CAMK1D: variants seen among roughly 807,000 people sequenced by gnomAD.
The protein encoded by CAMK1D is calcium/calmodulin dependent protein kinase ID, also known as calcium/calmodulin-dependent protein kinase type 1D.
CAMK1D carries 9 observed loss-of-function variants against 47.7 expected under a neutral mutation model. The ratio of observed to expected loss-of-function variants is 0.19; its 90% CI spans 0.11 to 0.33. The LOEUF (loss-of-function observed/expected upper bound fraction) is 0.33. CAMK1D is among the 10% of genes least tolerant of loss of function. CAMK1D has a pLI of 1.00. For synonymous variants in CAMK1D, 184 were observed against 184.9 expected (o/e 0.99, Z 0.04); for missense variants, 291 against 488.7 (o/e 0.60, Z 3.81).
At chr10:12,562,132 C>T (rs1836963940) in intron 2 of CAMK1D, among the ~76,000 whole-genome samples, 1 of 152,134 alleles carries the variant, frequency 6.6e-6, no homozygotes, top group Admixed American at 6.6e-5. Context: ...CTGGGAAGTC[C>T]AAGATCGGGT....
chr10:12,822,733 C>T (rs1302864070), intron 8 of CAMK1D, among the ~76,000 whole-genome samples: 1 of 152,210 alleles, frequency 6.6e-6, no homozygotes, highest in South Asian at 2.1e-4. Flanking sequence ...CAACAGGGTC[C>T]AGGAGGAATC....
chr10:12,593,643 C>G (rs1008125078), intron 2 of CAMK1D, among the ~76,000 whole-genome samples: 1 of 151,748 alleles, frequency 6.6e-6, no homozygotes, highest in African/African-American at 2.4e-5. Context: ...AACTTCATCC[C>G]TTTAACCAAA....
At chr10:12,382,034 A>C (rs1231363501) in intron 1 of CAMK1D, among the ~76,000 whole-genome samples, 1 of 152,206 alleles carries the variant, frequency 6.6e-6, no homozygotes, top group Admixed American at 6.5e-5. Flanking sequence ...GAGTGAAATG[A>C]CGTAACAAAA....
chr10:12,366,339 A>G (rs951143409), intron 1 of CAMK1D, among the ~76,000 whole-genome samples: 7 of 152,144 alleles, frequency 4.6e-5, no homozygotes, highest in Admixed American at 3.3e-4. Context: ...AAAATTTGGA[A>G]GAATATAAAG....
intron 1 of CAMK1D, among the ~76,000 whole-genome samples, chr10:12,423,616 C>G (rs1392755437): frequency 6.6e-6 from 1 of 152,172 alleles, no homozygotes; most frequent in African/African-American, 2.4e-5. Context: ...TCCAGAACTC[C>G]CAGGTACAGG....
In CAMK1D at chr10:12,361,473, C is replaced by T. The variant is rs536088693; in HGVS notation, c.92+11563C>T. Among the ~76,000 whole-genome samples the T allele has an allele frequency of 4.2e-4, 64 of 150,846 alleles. 1 individual carries two copies. In the South Asian group the frequency reaches 0.013, roughly 32 times the overall value. On this transcript the variant is annotated intron_variant, in intron 1 of 10. Transcript: ENST00000619168. ...TGTTGGCCAGGATGGTCTCGATCTC[C>T]TGACCTTATGATCTGCCTGCCTTGG...
rs192436714 is a variant in CAMK1D at position 12,434,944 on chromosome 10, G to A, written c.92+85034G>A. On this transcript the variant is annotated intron_variant, in intron 1 of 10. Coordinates refer to ENST00000619168, the MANE Select transcript of CAMK1D (RefSeq NM_153498.4). Reference sequence around the variant, plus strand: ...ATCAGGAGGGGAGGGAAGGCTGGGCGCAGTGGCTCACACTGGTAATCCCAG... The same window carrying A: ...ATCAGGAGGGGAGGGAAGGCTGGGCACAGTGGCTCACACTGGTAATCCCAG... 7.2e-5 allele frequency among the ~76,000 whole-genome samples: 11 copies of A among 152,198 alleles called. No homozygotes were observed. The East Asian group carries it at 1.7e-3, about 24-fold the overall frequency.
At chr10:12,413,032 A>G (rs1208925321) in intron 1 of CAMK1D, among the ~76,000 whole-genome samples, 1 of 152,180 alleles carries the variant, frequency 6.6e-6, no homozygotes, top group Non-Finnish European at 1.5e-5. Context: ...AATGGTGTGT[A>G]TATTAGGCTG....
At chr10:12,627,469 A>C in intron 2 of CAMK1D, among the ~76,000 whole-genome samples, 1 of 152,306 alleles carries the variant, frequency 6.6e-6, no homozygotes, top group South Asian at 2.1e-4. Context: ...ATACTTGCAG[A>C]TAATCATTAC....
chr10:12,374,888 G>A (rs2724777), intron 1 of CAMK1D, among the ~76,000 whole-genome samples: 147,064 of 149,368 alleles, frequency 0.98, 72,440 homozygotes, highest in East Asian at 1. Context: ...AGTTGTAGTG[G>A]GCCAAGATCA....
In CAMK1D at chr10:12,380,679, A is replaced by C. The variant is rs1008676649; in HGVS notation, c.92+30769A>C. Among the ~76,000 whole-genome samples, 8 of 152,232 alleles carry C rather than the reference A, an allele frequency of 5.3e-5. No homozygotes were observed. The Middle Eastern group carries it at 0.01, about 194-fold the overall frequency. On this transcript the variant is annotated intron_variant, in intron 1 of 10. Transcript: ENST00000619168. ...AGACCATCCTGGCTAACACGGTGAA[A>C]CCCCATCTCTACTAAAAACACAAAA...
chr10:12,760,118 A>G lies in CAMK1D; in HGVS notation c.300-830A>G, dbSNP rs576129111. Among the ~76,000 whole-genome samples the G allele has an allele frequency of 2.1e-4, 32 of 152,266 alleles. No individual in the cohort carries two copies. The South Asian group carries it at 6.2e-3, about 30-fold the overall frequency. On this transcript the variant is annotated intron_variant, in intron 3 of 10. Coordinates refer to ENST00000619168, the MANE Select transcript of CAMK1D (RefSeq NM_153498.4). ...GAGTTGTTTGTATTCTGGCTTGTAC[A>G]CTTCCATTATTTTGTTGAACTCAGG...
chr10:12,764,329 C>T (rs548502245), intron 4 of CAMK1D, among the ~76,000 whole-genome samples: 8 of 136,252 alleles, frequency 5.9e-5, no homozygotes, highest in African/African-American at 1.7e-4. Flanking sequence ...TGCAGTGAGC[C>T]GAGATCGCAC....
intron 6 of CAMK1D, among the ~76,000 whole-genome samples, chr10:12,802,248 G>A (rs1838513254): frequency 6.6e-6 from 1 of 152,186 alleles, no homozygotes; most frequent in African/African-American, 2.4e-5. Context: ...CCCCTGGCCA[G>A]CCTCACAGAG....
At chr10:12,731,473 CA>C (rs925680229) in intron 3 of CAMK1D, among the ~76,000 whole-genome samples, 1 of 152,178 alleles carries the variant, frequency 6.6e-6, no homozygotes, top group African/African-American at 2.4e-5. Context: ...ATAAAAGTAT[CA>C]GGGGTCAGCA....
chr10:12,646,997 C>T (rs984423127), intron 2 of CAMK1D, among the ~76,000 whole-genome samples: 4 of 151,580 alleles, frequency 2.6e-5, no homozygotes, highest in Non-Finnish European at 5.9e-5. Flanking sequence ...CATGTGCCAC[C>T]TCGCCTGGCT....
At chr10:12,778,837 C>T (rs1342720265) in intron 5 of CAMK1D, among the ~76,000 whole-genome samples, 2 of 152,046 alleles carry the variant, frequency 1.3e-5, no homozygotes, top group Non-Finnish European at 2.9e-5. Flanking sequence ...CACACCACTG[C>T]ACTCCAGCCT....
At chr10:12,584,689 G>A (rs541700057) in intron 2 of CAMK1D, among the ~76,000 whole-genome samples, 6 of 152,224 alleles carry the variant, frequency 3.9e-5, no homozygotes, top group African/African-American at 1.2e-4. Flanking sequence ...GCGTGGTGGC[G>A]TGCATTTGTG....
chr10:12,512,110 C>T (rs1286147714), intron 1 of CAMK1D, among the ~76,000 whole-genome samples: 1 of 152,224 alleles, frequency 6.6e-6, no homozygotes, highest in East Asian at 1.9e-4. Flanking sequence ...AAAGGGACCT[C>T]TGCTATACCC....
Sources: allele counts gnomAD v4.1 joint callset (sites outside exome capture counted in the v4.1 genomes callset), GRCh38; gene constraint gnomAD v4.1.1; transcripts MANE v1.5; gene names NCBI Gene and HGNC (gene_info 2026-07-23, HGNC 2026-07-21).